GRIA1: variants seen among roughly 807,000 people sequenced by gnomAD.
GRIA1 encodes the protein glutamate receptor 1.
In GRIA1, 31 loss-of-function variants were observed where a neutral mutation model predicts 99.2. That is an observed-to-expected ratio of 0.31 (90% CI 0.23 to 0.42). GRIA1 has a LOEUF of 0.42. Among genes scored for constraint, GRIA1 ranks in the 10% least tolerant of loss-of-function variants. The probability of loss-of-function intolerance (pLI) is 1.00; values close to 1 mark genes in which losing one functional copy is unlikely to be tolerated. For synonymous variants in GRIA1, 438 were observed against 432.4 expected, an observed-to-expected ratio of 1.01 and a Z score of -0.16; for missense variants, 782 against 1,157.5, an observed-to-expected ratio of 0.68 and a Z score of 4.71.
At chr5:153,801,955 G>C (rs986748224) in intron 14 of GRIA1, among the ~76,000 whole-genome samples, 2 of 146,242 alleles carry the variant, frequency 1.4e-5, no homozygotes, top group East Asian at 2.2e-4. Flanking sequence ...ATTGGGGCGG[G>C]GGGGGGCGGG....
intron 5 of GRIA1, among the ~76,000 whole-genome samples, chr5:153,667,520 T>C (rs1755833678): frequency 6.6e-6 from 1 of 152,216 alleles, no homozygotes. Flanking sequence ...ATAATGATAA[T>C]GGTGAATGTG....
intron 15 of GRIA1, among the ~76,000 whole-genome samples, chr5:153,806,335 G>A (rs1199532162): frequency 4.6e-5 from 7 of 151,782 alleles, no homozygotes; most frequent in South Asian, 2.1e-4. Context: ...GTGCAATCTC[G>A]GCTCACTGCA....
chr5:153,799,087 C>T (rs571799272), intron 14 of GRIA1, among the ~76,000 whole-genome samples: 8 of 152,112 alleles, frequency 5.3e-5, no homozygotes, highest in Non-Finnish European at 1.0e-4. Flanking sequence ...TTCCACCCCC[C>T]CCTGACAAGC....
rs910614375 is a variant in GRIA1 at position 153,766,571 on chromosome 5, T to C, written c.2022+1939T>C. On this transcript the variant is annotated intron_variant, in intron 12 of 15. Coordinates refer to ENST00000285900, the MANE Select transcript of GRIA1 (RefSeq NM_000827.4). ...AGAAATTAAAACTTGGGAAATTCTTTTGATGCAAGTGTCAGGGGTGGGTAC... is the reference window on the plus strand; with the variant it reads ...AGAAATTAAAACTTGGGAAATTCTTCTGATGCAAGTGTCAGGGGTGGGTAC... 4.6e-5 allele frequency among the ~76,000 whole-genome samples: 7 copies of C among 152,186 alleles called. No individual in the cohort carries two copies. The East Asian group carries it at 9.6e-4, about 21-fold the overall frequency.
intron 10 of GRIA1, among the ~76,000 whole-genome samples, chr5:153,701,303 C>A (rs1758499530): frequency 6.6e-6 from 1 of 152,070 alleles, no homozygotes; most frequent in South Asian, 2.1e-4. Flanking sequence ...CCTTATCAGG[C>A]CTGTTCCTCT....
Position 153,647,032 on chromosome 5 carries a change from A to C in GRIA1, c.325A>C (p.Ile109Leu), listed in dbSNP as rs1754202983. The change falls in exon 3 of 16, where the codon ATT (isoleucine) becomes CTT (leucine). Residue 109 changes from isoleucine to leucine, a missense_variant. Ile to Leu is a conservative substitution (Grantham distance 5). Transcript: ENST00000285900. Reference sequence around the variant, plus strand: ...TTGTGGGGCCCTCCACGTCTGCTTCATTACGCCGAGCTTTCCCGTTGATAC... The same window carrying C: ...TTGTGGGGCCCTCCACGTCTGCTTCCTTACGCCGAGCTTTCCCGTTGATAC... ...SFCGALHVCF[I>L]TPSFPVDTSN... 4.3e-6 allele frequency: 7 copies of C among 1,613,944 alleles called. No individual in the cohort carries two copies. Among genetic ancestry groups the C allele is most frequent in the Non-Finnish European group, 5.9e-6 (7 of 1,179,900 alleles).
chr5:153,721,042 G>A (rs547547022), intron 11 of GRIA1, among the ~76,000 whole-genome samples: 1 of 152,212 alleles, frequency 6.6e-6, no homozygotes, highest in South Asian at 2.1e-4. Flanking sequence ...ATCTGACTCG[G>A]ATGGGAAAAA....
At chr5:153,521,593 C>T (rs1340118754) in intron 2 of GRIA1, among the ~76,000 whole-genome samples, 2 of 152,186 alleles carry the variant, frequency 1.3e-5, no homozygotes, top group Admixed American at 6.5e-5. Flanking sequence ...GTGAGCTTCC[C>T]AGAGCCTTTT....
intron 2 of GRIA1, among the ~76,000 whole-genome samples, chr5:153,622,151 G>A (rs1873909): frequency 0.22 from 33,783 of 152,116 alleles, 4,298 homozygotes; most frequent in Non-Finnish European, 0.29. Context: ...CAGACCTACT[G>A]AATCAGAAAT....
intron 7 of GRIA1, among the ~76,000 whole-genome samples, chr5:153,680,240 TC>T (rs1252171704): frequency 6.6e-6 from 1 of 151,752 alleles, no homozygotes; most frequent in Non-Finnish European, 1.5e-5. Context: ...CCCCCTTCAC[TC>T]CGCTGTAATT....
chr5:153,792,964 C>T (rs1765396288), intron 13 of GRIA1, among the ~76,000 whole-genome samples: 2 of 152,130 alleles, frequency 1.3e-5, no homozygotes, highest in African/African-American at 4.8e-5. Context: ...GACAGCAAAC[C>T]AGCATTTGGA....
chr5:153,690,156 C>T (rs1757642578), intron 8 of GRIA1, among the ~76,000 whole-genome samples: 1 of 152,088 alleles, frequency 6.6e-6, no homozygotes, highest in African/African-American at 2.4e-5. Flanking sequence ...CTTCTTGAAT[C>T]CTCCTCTCCA....
intron 2 of GRIA1, among the ~76,000 whole-genome samples, chr5:153,496,343 C>T (rs1754422078): frequency 6.6e-6 from 1 of 152,114 alleles, no homozygotes; most frequent in Non-Finnish European, 1.5e-5. Context: ...GAATTCCTGT[C>T]TTGTTCGTTC....
intron 2 of GRIA1, among the ~76,000 whole-genome samples, chr5:153,644,612 C>G (rs1160608174): frequency 6.6e-6 from 1 of 151,960 alleles, no homozygotes; most frequent in Non-Finnish European, 1.5e-5. Context: ...CACATATATA[C>G]AAATAAACAA....
intron 11 of GRIA1, among the ~76,000 whole-genome samples, chr5:153,763,522 A>T (rs1170526354): frequency 6.6e-6 from 1 of 152,224 alleles, no homozygotes; most frequent in Admixed American, 6.5e-5. Flanking sequence ...GAGAAATGAA[A>T]TGCAAATAAC....
chr5:153,639,925 G>A (rs1021924000), intron 2 of GRIA1, among the ~76,000 whole-genome samples: 24 of 152,212 alleles, frequency 1.6e-4, no homozygotes, highest in Non-Finnish European at 2.8e-4. Context: ...GAGAAACACT[G>A]ATTTAGTTTA....
In GRIA1 at chr5:153,790,126, G is replaced by A. The variant is rs114309641; in HGVS notation, c.2271-4495G>A. On this transcript the variant is annotated intron_variant, in intron 13 of 15. Transcript: ENST00000285900. ...CAGAGCAAGGCTAACCCCAGAGATGGTCCCTGATGGCAAGTGGAAAATCTG... is the reference window on the plus strand; with the variant it reads ...CAGAGCAAGGCTAACCCCAGAGATGATCCCTGATGGCAAGTGGAAAATCTG... 2.8e-3 allele frequency among the ~76,000 whole-genome samples: 428 copies of A among 152,272 alleles called. 4 individuals are homozygous for A. The highest frequency in any genetic ancestry group is 9.8e-3 in the African/African-American group (408 of 41,548).
intron 2 of GRIA1, among the ~76,000 whole-genome samples, chr5:153,530,879 A>G (rs537599780): frequency 6.6e-6 from 1 of 152,396 alleles, no homozygotes; most frequent in African/African-American, 2.4e-5. Flanking sequence ...ATGATGTGCC[A>G]GTTACTGTGC....
At chr5:153,508,791 A>C (rs1755781222) in intron 2 of GRIA1, among the ~76,000 whole-genome samples, 1 of 152,222 alleles carries the variant, frequency 6.6e-6, no homozygotes, top group African/African-American at 2.4e-5. Context: ...CTTTTTTAAA[A>C]AACAATCACA....
Sources: allele counts gnomAD v4.1 joint callset (sites outside exome capture counted in the v4.1 genomes callset), GRCh38; gene constraint gnomAD v4.1.1; transcripts MANE v1.5; gene names NCBI Gene and HGNC (gene_info 2026-07-23, HGNC 2026-07-21).